TEAD1: variants seen among roughly 807,000 people sequenced by gnomAD.
The protein encoded by TEAD1 is TEA domain transcription factor 1.
Under a neutral mutation model 54.9 loss-of-function variants are expected in TEAD1, and 9 were observed. The observed-to-expected ratio is 0.16, with a 90% CI of 0.10 to 0.29. The LOEUF is 0.29. Ranked by LOEUF, TEAD1 falls within the 10% of genes least tolerant of loss-of-function variation. TEAD1 has a pLI of 1.00. For missense variants in TEAD1, 387 were observed against 535.9 expected (o/e 0.72, Z 2.74); for synonymous variants, 200 against 187.8 (o/e 1.07, Z -0.53).
At chr11:12,927,404 T>C (rs1017227122) in intron 11 of TEAD1, among the ~76,000 whole-genome samples, 1 of 152,220 alleles carries the variant, frequency 6.6e-6, no homozygotes, top group Non-Finnish European at 1.5e-5. Flanking sequence ...CCACCCACTA[T>C]TTGTGTCTAC....
chr11:12,892,644 A>G (rs1948220264), intron 9 of TEAD1, among the ~76,000 whole-genome samples: 1 of 152,228 alleles, frequency 6.6e-6, no homozygotes, highest in Non-Finnish European at 1.5e-5. Context: ...CTCTGTCTCA[A>G]AAAAATAAAT....
chr11:12,850,204 G>T (rs1349619145), intron 3 of TEAD1, among the ~76,000 whole-genome samples: 2 of 152,194 alleles, frequency 1.3e-5, no homozygotes, highest in Admixed American at 6.5e-5. Context: ...CGGAGGCCGA[G>T]GCGTGTGTAT....
At chr11:12,700,223 C>G (rs2133837066) in intron 2 of TEAD1, among the ~76,000 whole-genome samples, 1 of 152,212 alleles carries the variant, frequency 6.6e-6, no homozygotes, top group South Asian at 2.1e-4. Flanking sequence ...GCACAAATAC[C>G]CAACCTGTGT....
intron 3 of TEAD1, among the ~76,000 whole-genome samples, chr11:12,771,871 A>G (rs760841224): frequency 2.3e-4 from 35 of 152,242 alleles, no homozygotes; most frequent in Non-Finnish European, 4.1e-4. Flanking sequence ...AAAAGGGAAG[A>G]CAGATTAGTG....
At chr11:12,900,665 C>A (rs1001632376) in intron 9 of TEAD1, among the ~76,000 whole-genome samples, 10 of 152,054 alleles carry the variant, frequency 6.6e-5, no homozygotes, top group Admixed American at 1.3e-4. Context: ...AAGCAGGTCC[C>A]AGTGATTAAG....
At chr11:12,895,518 C>T (rs899344604) in intron 9 of TEAD1, among the ~76,000 whole-genome samples, 3 of 152,186 alleles carry the variant, frequency 2.0e-5, no homozygotes, top group Non-Finnish European at 4.4e-5. Context: ...TGCAGTCTGA[C>T]CCGAGCTCCT....
chr11:12,760,111 C>T (rs1945071272), intron 2 of TEAD1, among the ~76,000 whole-genome samples: 1 of 152,140 alleles, frequency 6.6e-6, no homozygotes, highest in African/African-American at 2.4e-5. Flanking sequence ...CAAAGTAAAC[C>T]ATTAGAGGAA....
chr11:12,862,158 T>A (rs1589935663), intron 3 of TEAD1, 92 bp from the exon 4 acceptor site: 1 of 984,314 alleles, frequency 1.0e-6, no homozygotes, highest in Non-Finnish European at 1.6e-6. Flanking sequence ...ATTTTAAAAT[T>A]CTTGATTCTG....
chr11:12,821,901 C>G (rs1020007544), intron 3 of TEAD1, among the ~76,000 whole-genome samples: 1 of 149,102 alleles, frequency 6.7e-6, no homozygotes, highest in African/African-American at 2.5e-5. Flanking sequence ...TGCCTTAGAT[C>G]TTCTCCCTCC....
intron 3 of TEAD1, among the ~76,000 whole-genome samples, chr11:12,856,352 A>G (rs1947379272): frequency 6.6e-6 from 1 of 152,156 alleles, no homozygotes; most frequent in African/African-American, 2.4e-5. Flanking sequence ...CACATAAGGC[A>G]GAAAAAAATA....
chr11:12,678,863 T>A (rs751029141), intron 2 of TEAD1, among the ~76,000 whole-genome samples: 7 of 152,246 alleles, frequency 4.6e-5, no homozygotes, highest in Non-Finnish European at 1.0e-4. Flanking sequence ...TCAAATACAT[T>A]CCAGTTTTGT....
chr11:12,890,984 C>T (rs1473864223), intron 9 of TEAD1, among the ~76,000 whole-genome samples: 3 of 152,116 alleles, frequency 2.0e-5, no homozygotes, highest in Admixed American at 6.5e-5. Context: ...AGGCTGGTCT[C>T]AAACTCCTGA....
At chr11:12,934,347 A>G (rs1269809766) in intron 12 of TEAD1, among the ~76,000 whole-genome samples, 4 of 152,024 alleles carry the variant, frequency 2.6e-5, no homozygotes, top group Non-Finnish European at 5.9e-5. Context: ...ATGAGAACAC[A>G]TGGACACAGG....
intron 8 of TEAD1, 42 bp downstream of exon 8, chr11:12,881,999 A>G (rs1205331438): frequency 6.3e-7 from 1 of 1,595,974 alleles, no homozygotes; most frequent in East Asian, 2.2e-5. Context: ...ACAGCCCCAC[A>G]CAGCTGACAG....
chr11:12,780,510 C>T (rs1321767727), intron 3 of TEAD1, among the ~76,000 whole-genome samples: 1 of 152,034 alleles, frequency 6.6e-6, no homozygotes, highest in Admixed American at 6.5e-5. Flanking sequence ...TCCCAAAGTG[C>T]CAGGATTACA....
intron 3 of TEAD1, among the ~76,000 whole-genome samples, chr11:12,856,202 T>C (rs1392504059): frequency 1.3e-5 from 2 of 151,888 alleles, no homozygotes; most frequent in East Asian, 3.9e-4. Flanking sequence ...AGGAGCCTCT[T>C]TTCTGACCTG....
At chr11:12,791,740 C>T (rs1221403886) in intron 3 of TEAD1, among the ~76,000 whole-genome samples, 1 of 152,038 alleles carries the variant, frequency 6.6e-6, no homozygotes. Context: ...ATAAGCTGTT[C>T]CTATAAGTAA....
chr11:12,730,121 GA>G (rs1944389039), intron 2 of TEAD1, among the ~76,000 whole-genome samples: 1 of 152,130 alleles, frequency 6.6e-6, no homozygotes, highest in African/African-American at 2.4e-5. Context: ...GTTAATACAG[GA>G]CTCATTTATC....
At chr11:12,748,519 A>T (rs1944798104) in intron 2 of TEAD1, among the ~76,000 whole-genome samples, 1 of 152,152 alleles carries the variant, frequency 6.6e-6, no homozygotes, top group African/African-American at 2.4e-5. Flanking sequence ...GTGAGTGGGG[A>T]TCTGCTGAAT....
Sources: gnomAD v4.1 joint callset for allele counts (sites outside exome capture counted in the v4.1 genomes callset) on GRCh38, gnomAD v4.1.1 for gene constraint, MANE v1.5 for transcripts, NCBI Gene and HGNC (gene_info 2026-07-23, HGNC 2026-07-21) for gene names.